Variants in AP3B1 observed in about 807,000 individuals in gnomAD.
AP3B1 encodes adaptor related protein complex 3 subunit beta 1, also known as AP-3 complex subunit beta-1.
Under a neutral mutation model 132.5 loss-of-function variants are expected in AP3B1, and 61 were observed. The ratio of observed to expected loss-of-function variants is 0.46; its 90% confidence interval spans 0.37 to 0.57. The LOEUF is 0.57. Ranked by LOEUF, AP3B1 falls within the 20% of genes least tolerant of loss-of-function variation. AP3B1 has a pLI of 0.00. For synonymous variants in AP3B1, 388 were observed against 438.3 expected (o/e 0.89, Z 1.43); for missense variants, 1,120 against 1,289.4 (o/e 0.87, Z 2.01).
intron 7 of AP3B1, among the ~76,000 whole-genome samples, chr5:78,194,427 T>C (rs1057405866): frequency 2.0e-5 from 3 of 152,206 alleles, no homozygotes; most frequent in Non-Finnish European, 4.4e-5. Context: ...TGAGGCATTA[T>C]CATACATGGG....
intron 1 of AP3B1, among the ~76,000 whole-genome samples, chr5:78,286,262 C>T (rs896841609): frequency 6.6e-6 from 1 of 152,164 alleles, no homozygotes; most frequent in African/African-American, 2.4e-5. Context: ...TTTGGAACCA[C>T]CCTACTATGG....
At chr5:78,287,346 A>C (rs1243344061) in intron 1 of AP3B1, among the ~76,000 whole-genome samples, 2 of 152,202 alleles carry the variant, frequency 1.3e-5, no homozygotes, top group East Asian at 3.8e-4. Context: ...TAGAAGTCAG[A>C]ACCAACTCTC....
chr5:78,165,755 A>C, intron 11 of AP3B1, 83 bp from the exon 12 acceptor site: 2 of 971,894 alleles, frequency 2.1e-6, no homozygotes, highest in African/African-American at 3.2e-5. Flanking sequence ...TTTAATTGAA[A>C]GTTTATTTCT....
intron 19 of AP3B1, 83 bp from the exon 20 acceptor site, chr5:78,110,437 G>C: frequency 1.9e-6 from 2 of 1,027,274 alleles, no homozygotes; most frequent in South Asian, 3.1e-5. Flanking sequence ...TTAAATTCCA[G>C]AATACATTAA....
intron 14 of AP3B1, among the ~76,000 whole-genome samples, chr5:78,153,830 A>C (rs1038083215): frequency 1.3e-5 from 2 of 152,204 alleles, no homozygotes; most frequent in Admixed American, 1.3e-4. Flanking sequence ...AATCAAGCAA[A>C]AAGGAAACTA....
intron 12 of AP3B1, among the ~76,000 whole-genome samples, chr5:78,164,926 G>C (rs1743547354): frequency 6.6e-6 from 1 of 152,072 alleles, no homozygotes; most frequent in Non-Finnish European, 1.5e-5. Context: ...ATAGTATGTG[G>C]TATATTTTTG....
At chr5:78,141,082 G>A in intron 15 of AP3B1, 61 bp downstream of exon 15, 3 of 1,506,398 alleles carry the variant, frequency 2.0e-6, no homozygotes, top group Non-Finnish European at 2.8e-6. Flanking sequence ...GACCCCCGCT[G>A]TTTGATCAGA....
At position 78,278,619 on chromosome 5, in the gene AP3B1, AAAAAAAGGG is replaced by A. The variant is rs1378271194; in HGVS notation, c.129-11033_129-11025del. Among the ~76,000 whole-genome samples the A allele has an allele frequency of 6.0e-5, 8 of 133,592 alleles. 1 individual carries two copies. The highest frequency in any genetic ancestry group is 2.3e-4 in the African/African-American group (8 of 34,442). The allele number at this position is 133,592 out of a possible 152,430, so 87.6% of individuals were successfully genotyped here. On this transcript the variant is annotated intron_variant, in intron 1 of 26. Transcript: ENST00000255194. ...GTCTCAAAAAAAAAAAAAAAAAAAA[AAAAAAAGGG>A]GGGGGGGGACTAATTAATTATGAGG...
intron 26 of AP3B1, among the ~76,000 whole-genome samples, chr5:78,006,166 A>C (rs1746384078): frequency 6.6e-6 from 1 of 152,208 alleles, no homozygotes; most frequent in East Asian, 1.9e-4. Flanking sequence ...CCTATGAGGC[A>C]GGTCACTTTA....
At chr5:78,237,017 A>T (rs1161682426) in intron 3 of AP3B1, among the ~76,000 whole-genome samples, 1 of 152,242 alleles carries the variant, frequency 6.6e-6, no homozygotes. Flanking sequence ...ATCTACAAAG[A>T]AAGTATGGTT....
rs797045241 is a variant in AP3B1, at chr5:78,128,065, C to T, written c.1933G>A (p.Asp645Asn). ...ELSNWPEVAP[D>N]PSVRNVEVIE... ...ACTTCTACATTTCGAACTGATGGGT[C>T]GGGCGCCACCTCTGGCCAATTAGAT... Residue 645 changes from aspartate (D) to asparagine (N), a missense_variant, in exon 17 of 27, where the codon GAC becomes AAC. Physicochemically the swap from Asp to Asn is conservative, Grantham distance 23 (BLOSUM62 1). Transcript: ENST00000255194. The T allele has an allele frequency of 7.4e-6, 12 of 1,613,160 alleles. No individual in the cohort carries two copies. The highest frequency in any genetic ancestry group is 1.0e-5 in the Non-Finnish European group (12 of 1,179,310).
Position 78,177,359 on chromosome 5 carries a change from C to T in AP3B1, c.1020G>A (p.Val340=), listed in dbSNP as rs145787996. The change falls in exon 9 of 27, where the codon GTG becomes GTA. Residue 340 remains valine, a synonymous_variant. Coordinates refer to ENST00000255194, the MANE Select transcript of AP3B1 (RefSeq NM_003664.5). ...CCTACCTATTGCTACGAAGTAAACG[C>T]ACTAGTGATTTAGAAATTATGCCAG... The part of the protein sequence containing the change: ...SEAGIISKSL[V]RLLRSNREVQ... 9.9e-6 allele frequency: 16 copies of T among 1,613,400 alleles called. No individual in the cohort carries two copies. The highest frequency in any genetic ancestry group is 1.4e-5 in the Non-Finnish European group (16 of 1,179,568).
At chr5:78,276,995 T>C (rs575662632) in intron 1 of AP3B1, among the ~76,000 whole-genome samples, 10 of 152,038 alleles carry the variant, frequency 6.6e-5, no homozygotes, top group African/African-American at 2.4e-4. Flanking sequence ...CAAATTGAAC[T>C]CAAAGTACAA....
chr5:78,280,317 A>G (rs886128500), intron 1 of AP3B1, among the ~76,000 whole-genome samples: 26 of 152,190 alleles, frequency 1.7e-4, no homozygotes, highest in African/African-American at 6.3e-4. Flanking sequence ...ATAAGTCAAA[A>G]TAAATTTTAT....
At chr5:78,107,310 G>C (rs1434536006) in intron 20 of AP3B1, among the ~76,000 whole-genome samples, 1 of 152,206 alleles carries the variant, frequency 6.6e-6, no homozygotes, top group Non-Finnish European at 1.5e-5. Flanking sequence ...CCTTTTCAGA[G>C]AGCAGTATGT....
At chr5:78,231,362 T>G (rs757829910) in intron 3 of AP3B1, among the ~76,000 whole-genome samples, 1 of 151,912 alleles carries the variant, frequency 6.6e-6, no homozygotes, top group Non-Finnish European at 1.5e-5. Context: ...TTAGTAGAGA[T>G]GGGGTTTCAC....
chr5:78,266,068 A>G (rs1748309549), intron 2 of AP3B1, among the ~76,000 whole-genome samples: 1 of 152,084 alleles, frequency 6.6e-6, no homozygotes, highest in African/African-American at 2.4e-5. Flanking sequence ...AAGAAGTGAC[A>G]TGATTGATCA....
chr5:78,147,108 C>A (rs998254542), intron 14 of AP3B1, among the ~76,000 whole-genome samples: 2 of 152,066 alleles, frequency 1.3e-5, no homozygotes, highest in Non-Finnish European at 2.9e-5. Flanking sequence ...ACATTACAGT[C>A]ACACATTGTA....
At chr5:78,085,373 T>C (rs1352871987) in intron 22 of AP3B1, among the ~76,000 whole-genome samples, 1 of 152,198 alleles carries the variant, frequency 6.6e-6, no homozygotes, top group African/African-American at 2.4e-5. Flanking sequence ...TTTATATCAT[T>C]TGTCCACTTT....
Sources: allele counts gnomAD v4.1 joint callset (sites outside exome capture counted in the v4.1 genomes callset), GRCh38; gene constraint gnomAD v4.1.1; transcripts MANE v1.5; gene names NCBI Gene and HGNC (gene_info 2026-07-23, HGNC 2026-07-21).